The following PAGE2B variants were observed in gnomAD, a reference collection of about 807,000 sequenced individuals.
PAGE2B encodes putative G antigen family E member 3.
A neutral mutation model predicts 7.6 loss-of-function variants in PAGE2B; 5 were observed. That is an observed-to-expected ratio of 0.66 (90% confidence interval 0.34 to 1.38). The LOEUF (loss-of-function observed/expected upper bound fraction) is 1.38. PAGE2B is among the 40% of genes most tolerant of loss of function. The pLI is 0.04. For synonymous variants in PAGE2B, 29 were observed against 26.7 expected (o/e 1.09, Z -0.27); for missense variants, 70 against 78.4 (o/e 0.89, Z 0.41).
At chrX:55,031,164 T>C in the PAGE2B span, 1 of 249,862 alleles carries the variant, frequency 4.0e-6, no homozygotes, top group South Asian at 4.0e-5. Context: ...TCTTCCCTAT[T>C]TTCTTCTCTC....
chrX:55,067,361 T>A, the PAGE2B span, among the ~76,000 whole-genome samples: 1 of 111,403 alleles, frequency 9.0e-6, no homozygotes, highest in Non-Finnish European at 1.9e-5. Context: ...GCATCATCAA[T>A]GTCCCTGGAA....
At chrX:55,061,924 G>T in the PAGE2B span, among the ~76,000 whole-genome samples, 1 of 111,508 alleles carries the variant, frequency 9.0e-6, no homozygotes, top group African/African-American at 3.3e-5. Flanking sequence ...CAAATGACTG[G>T]ATCTCATTCG....
the PAGE2B span, among the ~76,000 whole-genome samples, chrX:55,042,671 AAAAAAAAAAAAAAAAAG>A: frequency 9.8e-6 from 1 of 102,108 alleles, no homozygotes; most frequent in African/African-American, 3.6e-5. Flanking sequence ...AAAAAAAAAA[AAAAAAAAAAAAAAAAAG>A]AAATCATAGA....
the PAGE2B span, among the ~76,000 whole-genome samples, chrX:55,045,315 T>C: frequency 9.0e-6 from 1 of 111,611 alleles, no homozygotes; most frequent in Admixed American, 9.6e-5. Flanking sequence ...AAGAACTGGC[T>C]GTTCAGTGAC....
the PAGE2B span, among the ~76,000 whole-genome samples, chrX:55,038,087 A>T: frequency 9.0e-5 from 10 of 110,850 alleles, no homozygotes; most frequent in East Asian, 2.5e-3. Context: ...AAAAACTGCA[A>T]GATGAAAACT....
At chrX:55,032,165 C>A in the PAGE2B span, among the ~76,000 whole-genome samples, 1 of 110,988 alleles carries the variant, frequency 9.0e-6, no homozygotes, top group Non-Finnish European at 1.9e-5. Flanking sequence ...ATAAGCATTC[C>A]TGGATCTAAA....
the PAGE2B span, among the ~76,000 whole-genome samples, chrX:55,059,371 G>T: frequency 9.0e-5 from 10 of 111,438 alleles, no homozygotes; most frequent in African/African-American, 3.3e-4. Context: ...CCACCTAAAG[G>T]TTTCGTTTTT....
the PAGE2B span, among the ~76,000 whole-genome samples, chrX:55,043,907 G>A: frequency 4.2e-3 from 453 of 108,469 alleles, 2 homozygotes; most frequent in African/African-American, 0.015. Flanking sequence ...CAGAGGTTGC[G>A]GTGAGCCAAG....
At chrX:55,034,783 T>A in the PAGE2B span, among the ~76,000 whole-genome samples, 6 of 108,113 alleles carry the variant, frequency 5.5e-5, no homozygotes, top group South Asian at 2.4e-3. Context: ...CTCATATACA[T>A]ACATATATAT....
At chrX:55,040,648 C>T in the PAGE2B span, among the ~76,000 whole-genome samples, 4 of 110,232 alleles carry the variant, frequency 3.6e-5, no homozygotes, top group East Asian at 8.6e-4. Context: ...TTGTCAGGGG[C>T]GGGGCGGTGG....
upstream of PAGE2B, among the ~76,000 whole-genome samples, chrX:55,072,100 G>C (rs1414276321): frequency 1.8e-5 from 2 of 111,861 alleles, no homozygotes; most frequent in Non-Finnish European, 3.8e-5. Flanking sequence ...GCCCTTGCTG[G>C]AGAGGAGTTG....
the PAGE2B span, among the ~76,000 whole-genome samples, chrX:55,037,453 G>C: frequency 9.0e-6 from 1 of 111,214 alleles, no homozygotes; most frequent in East Asian, 2.8e-4. Context: ...CACTGTTGGT[G>C]GGACTGGAAA....
chrX:55,048,395 A>C, the PAGE2B span, among the ~76,000 whole-genome samples: 21 of 111,420 alleles, frequency 1.9e-4, no homozygotes, highest in Non-Finnish European at 5.7e-5. Context: ...TTACCTTGGG[A>C]GGTATGGCCA....
At chrX:55,031,919 A>G in the PAGE2B span, among the ~76,000 whole-genome samples, 1 of 111,507 alleles carries the variant, frequency 9.0e-6, no homozygotes, top group African/African-American at 3.3e-5. Flanking sequence ...AAATAAGACC[A>G]TAGTCTACAT....
At chrX:55,067,889 G>C in the PAGE2B span, among the ~76,000 whole-genome samples, 1 of 111,652 alleles carries the variant, frequency 9.0e-6, no homozygotes, top group Non-Finnish European at 1.9e-5. Flanking sequence ...GCTCACTTTT[G>C]GGTGGGTTTG....
the PAGE2B span, among the ~76,000 whole-genome samples, chrX:55,044,175 T>C: frequency 9.1e-6 from 1 of 109,700 alleles, no homozygotes; most frequent in African/African-American, 3.3e-5. Flanking sequence ...CACTTGCACA[T>C]GAATGTTTAT....
the PAGE2B span, among the ~76,000 whole-genome samples, chrX:55,035,457 A>G: frequency 8.9e-6 from 1 of 111,840 alleles, no homozygotes; most frequent in Non-Finnish European, 1.9e-5. Context: ...GGCAGAGGGT[A>G]CAATATCAAC....
intron 3 of PAGE2B, among the ~76,000 whole-genome samples, chrX:55,077,156 T>G (rs748611612): frequency 1.5e-4 from 17 of 112,036 alleles, no homozygotes; most frequent in Non-Finnish European, 2.8e-4. Flanking sequence ...AATCGCTGAT[T>G]TAATGTGATA....
At chrX:55,039,774 A>G in the PAGE2B span, among the ~76,000 whole-genome samples, 1 of 111,964 alleles carries the variant, frequency 8.9e-6, no homozygotes, top group African/African-American at 3.2e-5. Context: ...TAGAGAACTG[A>G]GTCACTGCCT....
Sources: gnomAD v4.1 joint callset for allele counts (sites outside exome capture counted in the v4.1 genomes callset) on GRCh38, gnomAD v4.1.1 for gene constraint, MANE v1.5 for transcripts, NCBI Gene and HGNC (gene_info 2026-07-23, HGNC 2026-07-21) for gene names.